EPHA6: variants seen among roughly 807,000 people sequenced by gnomAD.
The protein encoded by EPHA6 is ephrin type-A receptor 6.
In EPHA6, 50 loss-of-function variants were observed where a neutral mutation model predicts 112.0. The observed-to-expected ratio is 0.45, with a 90% CI of 0.36 to 0.56. The LOEUF (loss-of-function observed/expected upper bound fraction) is 0.56, where lower values mean the gene tolerates loss of function less well. Ranked by LOEUF, EPHA6 falls within the 20% of genes least tolerant of loss-of-function variation. The pLI is 0.00. For missense variants in EPHA6, 1,280 were observed against 1,417.4 expected (o/e 0.90, Z 1.56); for synonymous variants, 529 against 490.7 (o/e 1.08, Z -1.03).
chr3:97,166,515 T>G (rs867896323), intron 3 of EPHA6, among the ~76,000 whole-genome samples: 4 of 152,086 alleles, frequency 2.6e-5, no homozygotes, highest in South Asian at 2.1e-4. Context: ...TTAAAACAGT[T>G]TTCTCTCATG....
At chr3:97,303,505 G>A (rs1027055914) in intron 5 of EPHA6, among the ~76,000 whole-genome samples, 2 of 152,006 alleles carry the variant, frequency 1.3e-5, no homozygotes, top group Non-Finnish European at 2.9e-5. Flanking sequence ...CAATTATGGA[G>A]GTTGAGAAGT....
intron 3 of EPHA6, among the ~76,000 whole-genome samples, chr3:97,160,944 G>T (rs372517629): frequency 6.6e-6 from 1 of 152,080 alleles, no homozygotes; most frequent in African/African-American, 2.4e-5. Flanking sequence ...CAAATGTAGG[G>T]ACTCCCTGCC....
At chr3:97,610,930 T>C in intron 13 of EPHA6, 76 bp downstream of exon 13, 1 of 1,236,544 alleles carries the variant, frequency 8.1e-7, no homozygotes, top group South Asian at 1.3e-5. Context: ...CATAAATTAA[T>C]TTTTGCATAA....
At chr3:97,692,682 G>A (rs985551607) in intron 14 of EPHA6, among the ~76,000 whole-genome samples, 1 of 152,086 alleles carries the variant, frequency 6.6e-6, no homozygotes, top group Non-Finnish European at 1.5e-5. Flanking sequence ...ACATCTTTTC[G>A]TAGTAGTGGA....
intron 6 of EPHA6, among the ~76,000 whole-genome samples, chr3:97,420,030 A>T (rs2088484754): frequency 6.6e-6 from 1 of 152,158 alleles, no homozygotes; most frequent in South Asian, 2.1e-4. Flanking sequence ...GGAAAGGAAA[A>T]GCCTTCTGAA....
intron 3 of EPHA6, among the ~76,000 whole-genome samples, chr3:97,130,263 G>T (rs1230256550): frequency 1.3e-5 from 2 of 151,290 alleles, no homozygotes; most frequent in Non-Finnish European, 2.9e-5. Flanking sequence ...TACCATCTCG[G>T]GGTTGTTTTT....
chr3:97,186,730 T>C (rs2077149478), intron 3 of EPHA6, among the ~76,000 whole-genome samples: 1 of 152,124 alleles, frequency 6.6e-6, no homozygotes, highest in Non-Finnish European at 1.5e-5. Flanking sequence ...TCATTTTTGT[T>C]TTCCTTTGAA....
At chr3:97,668,319 C>A (rs956227998) in intron 14 of EPHA6, among the ~76,000 whole-genome samples, 1 of 152,052 alleles carries the variant, frequency 6.6e-6, no homozygotes, top group East Asian at 1.9e-4. Context: ...TATAGGGGAT[C>A]CTCAAACATC....
At chr3:97,011,799 G>A (rs1002193471) in intron 3 of EPHA6, among the ~76,000 whole-genome samples, 2 of 151,988 alleles carry the variant, frequency 1.3e-5, no homozygotes, top group Admixed American at 1.3e-4. Flanking sequence ...CCCCCACCCG[G>A]CTCCTTCCTC....
chr3:97,611,777 A>C (rs2093722480), intron 13 of EPHA6, among the ~76,000 whole-genome samples: 1 of 151,694 alleles, frequency 6.6e-6, no homozygotes, highest in Non-Finnish European at 1.5e-5. Context: ...CTTTATTTTC[A>C]TGTGAAAATA....
intron 14 of EPHA6, among the ~76,000 whole-genome samples, chr3:97,643,162 C>T (rs1205248412): frequency 9.9e-5 from 15 of 151,312 alleles, no homozygotes; most frequent in Admixed American, 6.6e-5. Context: ...AAAGAATTTT[C>T]AACCCAGAAT....
At chr3:97,712,632 G>C (rs1203799387) in intron 14 of EPHA6, among the ~76,000 whole-genome samples, 1 of 152,156 alleles carries the variant, frequency 6.6e-6, no homozygotes, top group African/African-American at 2.4e-5. Flanking sequence ...CCCCAGAATA[G>C]TGTTACTCAC....
intron 6 of EPHA6, among the ~76,000 whole-genome samples, chr3:97,434,370 G>C (rs994055127): frequency 6.6e-6 from 1 of 151,984 alleles, no homozygotes; most frequent in Non-Finnish European, 1.5e-5. Context: ...GTATGAAAGT[G>C]TTCATATTAA....
At chr3:96,970,238 T>TACAC (rs370673260) in intron 2 of EPHA6, among the ~76,000 whole-genome samples, 3,892 of 143,964 alleles carry the variant, frequency 0.027, 167 homozygotes, top group African/African-American at 0.089. Context: ...TGCCTCTTCA[T>TACAC]ACACACACAC....
intron 14 of EPHA6, among the ~76,000 whole-genome samples, chr3:97,698,458 C>T (rs1158660984): frequency 6.7e-6 from 1 of 150,286 alleles, no homozygotes; most frequent in Non-Finnish European, 1.5e-5. Flanking sequence ...AATTCCTCTT[C>T]CTTGTGGGAA....
chr3:97,568,509 C>T lies in EPHA6; in HGVS notation c.2387-24103C>T, dbSNP rs72930194. 5.3e-3 allele frequency among the ~76,000 whole-genome samples: 803 copies of T among 152,302 alleles called. 9 individuals are homozygous for T. Among genetic ancestry groups the T allele is most frequent in the Middle Eastern group, 0.017 (5 of 294 alleles). ...AGGATCGTTTTTGCTAATTGCTGTG[C>T]CTGCTTCAGTTCTATTAAACCATCT... On this transcript the variant is annotated intron_variant, in intron 11 of 17. Transcript: ENST00000389672.
intron 3 of EPHA6, among the ~76,000 whole-genome samples, chr3:97,225,664 T>G (rs1178707422): frequency 6.6e-6 from 1 of 152,178 alleles, no homozygotes; most frequent in Admixed American, 6.5e-5. Context: ...CTGTGTGGAA[T>G]TGGTAATTTT....
intron 2 of EPHA6, among the ~76,000 whole-genome samples, chr3:96,885,967 A>G (rs1218588662): frequency 6.6e-6 from 1 of 151,998 alleles, no homozygotes; most frequent in Admixed American, 6.6e-5. Flanking sequence ...TTCCATCTTG[A>G]TTTCTTGTTT....
chr3:96,930,357 G>A (rs1355523329), intron 2 of EPHA6, among the ~76,000 whole-genome samples: 2 of 152,114 alleles, frequency 1.3e-5, no homozygotes, highest in African/African-American at 4.8e-5. Context: ...GGGTCTTTAA[G>A]GTTGCTGACC....
Sources: gnomAD v4.1 joint callset for allele counts (sites outside exome capture counted in the v4.1 genomes callset) on GRCh38, gnomAD v4.1.1 for gene constraint, MANE v1.5 for transcripts, NCBI Gene and HGNC (gene_info 2026-07-23, HGNC 2026-07-21) for gene names.